COX7B2: variants seen among roughly 807,000 people sequenced by gnomAD.
COX7B2 encodes cytochrome c oxidase subunit 7B2, mitochondrial.
For synonymous variants in COX7B2, 37 were observed against 32.1 expected (o/e 1.15, Z -0.51); for missense variants, 109 against 95.9 (o/e 1.14, Z -0.57).
At chr4:46,798,471 T>C (rs953953853) in intron 2 of COX7B2, among the ~76,000 whole-genome samples, 4 of 152,210 alleles carry the variant, frequency 2.6e-5, no homozygotes, top group African/African-American at 9.7e-5. Context: ...CAGCATACCC[T>C]GTGGTACTTA....
At chr4:46,845,984 C>A (rs537702526) in intron 1 of COX7B2, among the ~76,000 whole-genome samples, 1 of 151,878 alleles carries the variant, frequency 6.6e-6, no homozygotes, top group African/African-American at 2.4e-5. Context: ...TAGACTTTAC[C>A]CCCATTAGGG....
chr4:46,877,706 C>T (rs1718431811), intron 1 of COX7B2, among the ~76,000 whole-genome samples: 1 of 151,966 alleles, frequency 6.6e-6, no homozygotes, highest in Admixed American at 6.6e-5. Context: ...ATAGGTATAC[C>T]AAATACCAAA....
chr4:46,791,870 C>T (rs1306010701), intron 2 of COX7B2, among the ~76,000 whole-genome samples: 1 of 152,020 alleles, frequency 6.6e-6, no homozygotes, highest in Non-Finnish European at 1.5e-5. Flanking sequence ...ATGATGCTTA[C>T]TGGTGTTCAC....
intron 1 of COX7B2, among the ~76,000 whole-genome samples, chr4:46,889,869 T>C (rs1174926159): frequency 6.6e-6 from 1 of 151,776 alleles, no homozygotes; most frequent in Non-Finnish European, 1.5e-5. Context: ...AGGAGTTGAA[T>C]TTTTGAGTAC....
chr4:46,903,458 A>G (rs1720187429), intron 1 of COX7B2, among the ~76,000 whole-genome samples: 1 of 151,720 alleles, frequency 6.6e-6, no homozygotes, highest in Non-Finnish European at 1.5e-5. Flanking sequence ...GCAATTACTT[A>G]GTTTTTTTTT....
At chr4:46,736,563 A>G (rs1714375340) in intron 2 of COX7B2, among the ~76,000 whole-genome samples, 1 of 152,070 alleles carries the variant, frequency 6.6e-6, no homozygotes, top group South Asian at 2.1e-4. Flanking sequence ...GTCAATTTCT[A>G]TGTTTATCAA....
intron 2 of COX7B2, among the ~76,000 whole-genome samples, chr4:46,772,353 C>T (rs1381471048): frequency 6.6e-6 from 1 of 152,058 alleles, no homozygotes; most frequent in African/African-American, 2.4e-5. Context: ...TGAATAAGTT[C>T]TAGAAATCAA....
chr4:46,821,401 A>T (rs1398997916), intron 2 of COX7B2, among the ~76,000 whole-genome samples: 3 of 152,222 alleles, frequency 2.0e-5, no homozygotes, highest in African/African-American at 7.2e-5. Context: ...ATTTGACTCT[A>T]TGTGTTAACA....
intron 1 of COX7B2, among the ~76,000 whole-genome samples, chr4:46,861,422 T>C (rs1256971778): frequency 6.6e-6 from 1 of 152,170 alleles, no homozygotes; most frequent in Non-Finnish European, 1.5e-5. Context: ...AACCTCTGTG[T>C]CTGGTAGAGA....
At chr4:46,753,797 T>C (rs111404587) in intron 2 of COX7B2, among the ~76,000 whole-genome samples, 1 of 151,598 alleles carries the variant, frequency 6.6e-6, no homozygotes, top group East Asian at 2.0e-4. Flanking sequence ...TGGGAGAAAA[T>C]TTTTGCAATC....
chr4:46,824,524 T>C (rs765359577), intron 2 of COX7B2, among the ~76,000 whole-genome samples: 7 of 151,892 alleles, frequency 4.6e-5, no homozygotes, highest in Admixed American at 3.9e-4. Context: ...AGTTAAGAGA[T>C]AGAAAAACAG....
chr4:46,891,241 A>G (rs1015440216), intron 1 of COX7B2, among the ~76,000 whole-genome samples: 5 of 152,192 alleles, frequency 3.3e-5, no homozygotes, highest in African/African-American at 1.2e-4. Flanking sequence ...ATTTAAGTAG[A>G]CATTTGAATA....
intron 2 of COX7B2, among the ~76,000 whole-genome samples, chr4:46,754,692 A>C: frequency 1.1e-5 from 1 of 94,516 alleles, no homozygotes; most frequent in Non-Finnish European, 2.1e-5. Context: ...AAGTACAATA[A>C]AATACGTGTG....
intron 2 of COX7B2, among the ~76,000 whole-genome samples, chr4:46,746,012 G>C (rs1347617788): frequency 6.6e-6 from 1 of 151,974 alleles, no homozygotes; most frequent in Non-Finnish European, 1.5e-5. Context: ...ATGCAAATAG[G>C]CCAGAATTTT....
chr4:46,813,934 G>A (rs1385419132), intron 2 of COX7B2, among the ~76,000 whole-genome samples: 2 of 152,094 alleles, frequency 1.3e-5, no homozygotes, highest in Non-Finnish European at 2.9e-5. Context: ...ATGAAAAAAA[G>A]TTCAATATCG....
At chr4:46,870,779 C>A (rs1717942699) in intron 1 of COX7B2, among the ~76,000 whole-genome samples, 1 of 151,884 alleles carries the variant, frequency 6.6e-6, no homozygotes, top group South Asian at 2.1e-4. Context: ...TACAGCTAAC[C>A]AAGAAAGTGA....
chr4:46,901,947 G>T (rs1264202306), intron 1 of COX7B2, among the ~76,000 whole-genome samples: 1 of 152,084 alleles, frequency 6.6e-6, no homozygotes, highest in Non-Finnish European at 1.5e-5. Context: ...CAGCTTTCTT[G>T]GTTCCCCATC....
At chr4:46,802,491 C>A (rs1718708824) in intron 2 of COX7B2, among the ~76,000 whole-genome samples, 1 of 152,040 alleles carries the variant, frequency 6.6e-6, no homozygotes, top group Admixed American at 6.5e-5. Context: ...AGAGAATTTT[C>A]CAGTTGTTTT....
intron 1 of COX7B2, among the ~76,000 whole-genome samples, chr4:46,857,447 T>C (rs1433958218): frequency 6.6e-6 from 1 of 152,236 alleles, no homozygotes; most frequent in East Asian, 1.9e-4. Flanking sequence ...TGAATCCTAG[T>C]TGAGGGTCTT....
Sources: gnomAD v4.1 joint callset for allele counts (sites outside exome capture counted in the v4.1 genomes callset) on GRCh38, gnomAD v4.1.1 for gene constraint, MANE v1.5 for transcripts, NCBI Gene and HGNC (gene_info 2026-07-23, HGNC 2026-07-21) for gene names.